ST6GALNAC3: variants seen among roughly 807,000 people sequenced by gnomAD.
ST6GALNAC3 encodes alpha-N-acetylgalactosaminide alpha-2,6-sialyltransferase 3.
A neutral mutation model predicts 32.7 loss-of-function variants in ST6GALNAC3; 25 were observed. The observed-to-expected ratio is 0.76, with a 90% confidence interval of 0.56 to 1.07. The LOEUF is 1.07. Among genes scored for constraint, ST6GALNAC3 ranks in the 50% least tolerant of loss-of-function variants. The pLI, the probability that ST6GALNAC3 is intolerant of heterozygous loss-of-function variation, is 0.00. For synonymous variants in ST6GALNAC3, 129 were observed against 133.1 expected (o/e 0.97, Z 0.21); for missense variants, 355 against 382.4 (o/e 0.93, Z 0.60).
At chr1:76,272,774 C>T (rs1658925143) in intron 1 of ST6GALNAC3, among the ~76,000 whole-genome samples, 2 of 152,216 alleles carry the variant, frequency 1.3e-5, no homozygotes, top group South Asian at 2.1e-4. Flanking sequence ...TGGCTCACAA[C>T]AGTAATTGTG....
chr1:76,410,642 A>G (rs1654169099), intron 2 of ST6GALNAC3, among the ~76,000 whole-genome samples: 1 of 152,106 alleles, frequency 6.6e-6, no homozygotes, highest in Non-Finnish European at 1.5e-5. Flanking sequence ...AACCCCTGGA[A>G]CTGTGCCTGA....
intron 3 of ST6GALNAC3, among the ~76,000 whole-genome samples, chr1:76,444,091 G>C (rs1656802084): frequency 6.6e-6 from 1 of 152,176 alleles, no homozygotes; most frequent in Admixed American, 6.5e-5. Flanking sequence ...TTTAATTTAT[G>C]ACAGACTTGG....
At chr1:76,281,135 T>A (rs1229237632) in intron 1 of ST6GALNAC3, among the ~76,000 whole-genome samples, 1 of 152,236 alleles carries the variant, frequency 6.6e-6, no homozygotes, top group Non-Finnish European at 1.5e-5. Context: ...GCAGAGCCAC[T>A]AACTGATATT....
intron 2 of ST6GALNAC3, among the ~76,000 whole-genome samples, chr1:76,332,625 G>A (rs1647210085): frequency 6.6e-6 from 1 of 152,064 alleles, no homozygotes; most frequent in Non-Finnish European, 1.5e-5. Context: ...TAGATAAGCT[G>A]GTCATCAGGT....
intron 1 of ST6GALNAC3, among the ~76,000 whole-genome samples, chr1:76,273,020 G>A (rs559103378): frequency 4.6e-5 from 7 of 152,216 alleles, no homozygotes; most frequent in Admixed American, 1.3e-4. Flanking sequence ...ATTCATAGTC[G>A]TGCATTTATA....
intron 1 of ST6GALNAC3, among the ~76,000 whole-genome samples, chr1:76,226,331 G>T (rs1354645303): frequency 6.6e-6 from 1 of 152,194 alleles, no homozygotes; most frequent in African/African-American, 2.4e-5. Flanking sequence ...CCCCTTTTGT[G>T]GGGCCTGTTT....
intron 2 of ST6GALNAC3, among the ~76,000 whole-genome samples, chr1:76,403,393 C>T (rs909788319): frequency 6.6e-6 from 1 of 152,046 alleles, no homozygotes; most frequent in Non-Finnish European, 1.5e-5. Context: ...GGATTTCCTA[C>T]CCCAGCATCT....
chr1:76,084,090 C>T (rs1646934564), intron 1 of ST6GALNAC3, among the ~76,000 whole-genome samples: 1 of 152,188 alleles, frequency 6.6e-6, no homozygotes. Flanking sequence ...GGACAGCATG[C>T]TCCTTCAGGT....
At chr1:76,254,166 A>G (rs1657785061) in intron 1 of ST6GALNAC3, among the ~76,000 whole-genome samples, 2 of 152,168 alleles carry the variant, frequency 1.3e-5, no homozygotes, top group South Asian at 4.1e-4. Flanking sequence ...TACAGATGCT[A>G]AATATACAGA....
intron 3 of ST6GALNAC3, among the ~76,000 whole-genome samples, chr1:76,623,349 C>G (rs34741962): frequency 6.6e-6 from 1 of 152,050 alleles, no homozygotes; most frequent in Non-Finnish European, 1.5e-5. Context: ...CCTCTTCACA[C>G]GCCTGCCTTT....
intron 2 of ST6GALNAC3, among the ~76,000 whole-genome samples, chr1:76,342,475 T>TTTTTCATATG (rs1648127581): frequency 6.6e-6 from 1 of 152,226 alleles, no homozygotes; most frequent in Non-Finnish European, 1.5e-5. Context: ...CATGAGCTTT[T>TTTTTCATATG]TTTTCATATG....
chr1:76,443,936 G>A (rs1656790247), intron 3 of ST6GALNAC3, among the ~76,000 whole-genome samples: 1 of 152,192 alleles, frequency 6.6e-6, no homozygotes, highest in Admixed American at 6.5e-5. Context: ...AACTGTTAGT[G>A]CAGAAAATAG....
intron 3 of ST6GALNAC3, among the ~76,000 whole-genome samples, chr1:76,604,007 G>T (rs1259377558): frequency 6.6e-6 from 1 of 152,118 alleles, no homozygotes; most frequent in South Asian, 2.1e-4. Context: ...AACACATTTA[G>T]TTTAAATATA....
At chr1:76,150,903 G>A (rs1053543141) in intron 1 of ST6GALNAC3, among the ~76,000 whole-genome samples, 4 of 152,170 alleles carry the variant, frequency 2.6e-5, no homozygotes, top group Non-Finnish European at 4.4e-5. Flanking sequence ...GATTGTCCGG[G>A]TCTTGATAGA....
rs146415386 is a variant in ST6GALNAC3 at position 76,447,812 on chromosome 1, G to A, written c.623+35395G>A. Among the ~76,000 whole-genome samples the A allele has an allele frequency of 7.0e-3, 1,061 of 152,272 alleles. 10 individuals are homozygous for A. Among genetic ancestry groups the A allele is most frequent in the South Asian group, 0.021 (101 of 4,814 alleles). On this transcript the variant is annotated intron_variant, in intron 3 of 4. Coordinates refer to ENST00000328299, the MANE Select transcript of ST6GALNAC3 (RefSeq NM_152996.4). ...CAAGAATTGAGGTTTGGGAACCTCCGCCTAGATTTCAGAGGATGTATGGAA... is the reference window on the plus strand; with the variant it reads ...CAAGAATTGAGGTTTGGGAACCTCCACCTAGATTTCAGAGGATGTATGGAA...
chr1:76,507,098 G>A (rs1433818941), intron 3 of ST6GALNAC3, among the ~76,000 whole-genome samples: 2 of 152,130 alleles, frequency 1.3e-5, no homozygotes, highest in Admixed American at 1.3e-4. Flanking sequence ...TCGCTCAGGA[G>A]CTGCTGCTAG....
At chr1:76,462,631 A>G (rs1658357870) in intron 3 of ST6GALNAC3, among the ~76,000 whole-genome samples, 1 of 152,204 alleles carries the variant, frequency 6.6e-6, no homozygotes, top group East Asian at 1.9e-4. Flanking sequence ...AATAGAGGAC[A>G]TATATGTATC....
intron 2 of ST6GALNAC3, among the ~76,000 whole-genome samples, chr1:76,345,089 T>A (rs576131464): frequency 3.3e-5 from 5 of 152,154 alleles, no homozygotes; most frequent in African/African-American, 1.2e-4. Context: ...CCCTAGCTGA[T>A]TGCCTCTTTG....
rs141050004 is a variant in ST6GALNAC3 at position 76,446,533 on chromosome 1, A to G, written c.623+34116A>G. ...TCTGGCGACCACGGATCTTGTTACT[A>G]TCTCCTTAGCTTTGCCTTTTCCAGA... On this transcript the variant is annotated intron_variant, in intron 3 of 4. Transcript: ENST00000328299. Among the ~76,000 whole-genome samples the G allele has an allele frequency of 1.4e-3, 220 of 152,064 alleles. 1 individual carries two copies. Among genetic ancestry groups the G allele is most frequent in the Non-Finnish European group, 2.5e-3 (168 of 67,970 alleles).
Sources: allele counts gnomAD v4.1 joint callset (sites outside exome capture counted in the v4.1 genomes callset), GRCh38; gene constraint gnomAD v4.1.1; transcripts MANE v1.5; gene names NCBI Gene and HGNC (gene_info 2026-07-23, HGNC 2026-07-21).